Variants in RNF121 observed in about 807,000 individuals in gnomAD.
The protein encoded by RNF121 is ring finger protein 121, also known as E3 ubiquitin ligase RNF121.
RNF121 carries 21 observed loss-of-function variants against 46.5 expected under a neutral mutation model. The observed-to-expected ratio is 0.45, with a 90% CI of 0.32 to 0.65. The LOEUF (loss-of-function observed/expected upper bound fraction) is 0.65, where lower values mean the gene tolerates loss of function less well. Among genes scored for constraint, RNF121 ranks in the 30% least tolerant of loss-of-function variants. The pLI is 0.04. For synonymous variants in RNF121, 139 were observed against 144.7 expected (o/e 0.96, Z 0.28); for missense variants, 346 against 416.0 (o/e 0.83, Z 1.46).
chr11:71,949,282 G>A (rs577633772), intron 1 of RNF121, among the ~76,000 whole-genome samples: 87 of 152,294 alleles, frequency 5.7e-4, no homozygotes, highest in African/African-American at 2.0e-3. Flanking sequence ...GCTGGGTGTG[G>A]TGGCACGTGC....
intron 7 of RNF121, 165 bp from the exon 8 acceptor site, chr11:71,995,285 T>C (rs1954952054): frequency 1.6e-6 from 1 of 633,768 alleles, no homozygotes; most frequent in Non-Finnish European, 2.8e-6. Flanking sequence ...GAGATAGGGA[T>C]CATTATCCTT....
At chr11:71,947,505 CAGTGAAGG>C (rs1422589526) in intron 1 of RNF121, among the ~76,000 whole-genome samples, 17 of 148,052 alleles carry the variant, frequency 1.1e-4, no homozygotes, top group Admixed American at 1.1e-3. Context: ...AGGAATTGGG[CAGTGAAGG>C]AGTGAAGGTG....
Position 71,987,055 on chromosome 11 carries a change from C to T in RNF121, c.450C>T (p.Gly150=), listed in dbSNP as rs1394137266. 1.2e-6 allele frequency: 2 copies of T among 1,613,886 alleles called. No homozygotes were observed. Among genetic ancestry groups the T allele is most frequent in the Admixed American group, 3.3e-5 (2 of 60,018 alleles). Residue 150 remains glycine (G), a synonymous_variant, in exon 5 of 9, where the codon GGC becomes GGT. Coordinates refer to ENST00000361756, the MANE Select transcript of RNF121 (RefSeq NM_018320.5). The stretch of plus-strand genomic sequence containing the variant: ...TCTATAAAATCAGCTATGCCACTGG[C>T]ATTGTTGGCTACATGGCTGTCATGT... The part of the protein sequence containing the change: ...LLIYKISYAT[G]IVGYMAVMFT...
intron 3 of RNF121, among the ~76,000 whole-genome samples, chr11:71,963,628 A>C: frequency 6.6e-6 from 1 of 152,152 alleles, no homozygotes; most frequent in Non-Finnish European, 1.5e-5. Context: ...CAAAAAAAAA[A>C]GAGTTTTATA....
At chr11:71,933,927 G>A (rs752687026) in intron 1 of RNF121, among the ~76,000 whole-genome samples, 2 of 152,126 alleles carry the variant, frequency 1.3e-5, no homozygotes, top group Admixed American at 6.5e-5. Context: ...AAATGTTTAC[G>A]ACATCCCCGT....
At chr11:71,972,198 G>C (rs1479771439) in intron 3 of RNF121, among the ~76,000 whole-genome samples, 1 of 152,084 alleles carries the variant, frequency 6.6e-6, no homozygotes, top group Non-Finnish European at 1.5e-5. Flanking sequence ...TGCATGAACA[G>C]GTACAAACAA....
rs1375057959 is a variant in RNF121, at chr11:71,997,277, G to A, written c.*962G>A. The stretch of plus-strand genomic sequence containing the variant: ...ATGTCAGCTTCTCCCTGTGTCAGAT[G>A]ATATGTCCTTGAAGCTGGCAGGGGA... On this transcript the variant is annotated 3_prime_UTR_variant, in exon 9 of 9. Transcript: ENST00000361756. 6.6e-6 allele frequency: 1 copy of A among 152,184 alleles called. No individual in the cohort carries two copies. The highest frequency in any genetic ancestry group is 1.9e-4 in the East Asian group (1 of 5,182). 9.4% of individuals were successfully genotyped at this position (152,184 alleles called of 1,614,324 possible).
At chr11:71,931,229 G>C (rs979494714) in intron 1 of RNF121, among the ~76,000 whole-genome samples, 1 of 152,172 alleles carries the variant, frequency 6.6e-6, no homozygotes, top group Non-Finnish European at 1.5e-5. Context: ...TAGTATAATA[G>C]ACTTTACAGA....
intron 6 of RNF121, among the ~76,000 whole-genome samples, chr11:71,992,020 A>G (rs918406961): frequency 1.3e-5 from 2 of 151,952 alleles, no homozygotes; most frequent in Non-Finnish European, 2.9e-5. Flanking sequence ...TTTGGAGACC[A>G]AGGTGGGAAG....
chr11:71,981,237 A>G (rs983408682), intron 3 of RNF121, among the ~76,000 whole-genome samples: 5 of 151,892 alleles, frequency 3.3e-5, no homozygotes, highest in Middle Eastern at 3.4e-3. Flanking sequence ...TTTTTAGTAG[A>G]GACAGGGTTT....
At chr11:71,973,762 G>A (rs956830632) in intron 3 of RNF121, among the ~76,000 whole-genome samples, 1 of 151,710 alleles carries the variant, frequency 6.6e-6, no homozygotes, top group Non-Finnish European at 1.5e-5. Context: ...ACTCTAGCCT[G>A]GGTGACAAGA....
rs568744350 is a variant in RNF121, at chr11:71,958,343, G to C, written c.101+1079G>C. 1.2e-4 allele frequency among the ~76,000 whole-genome samples: 19 copies of C among 152,230 alleles called. 1 individual carries two copies. Among genetic ancestry groups the C allele is most frequent in the African/African-American group, 4.6e-4 (19 of 41,520 alleles). Reference sequence around the variant, plus strand: ...GGAACAGGATGGTTTTGTTTTGTTTGAATAACATCATGATAAATCTTTGAA... The same window carrying C: ...GGAACAGGATGGTTTTGTTTTGTTTCAATAACATCATGATAAATCTTTGAA... On this transcript the variant is annotated intron_variant, in intron 2 of 8. Transcript: ENST00000361756.
chr11:71,990,771 A>G, intron 6 of RNF121, 54 bp downstream of exon 6: 3 of 1,600,492 alleles, frequency 1.9e-6, no homozygotes, highest in Non-Finnish European at 2.6e-6. Flanking sequence ...AAATTGCTCA[A>G]GTTGATGTCA....
chr11:71,955,040 A>G (rs994378378), intron 1 of RNF121, among the ~76,000 whole-genome samples: 37 of 152,198 alleles, frequency 2.4e-4, no homozygotes, highest in African/African-American at 8.4e-4. Flanking sequence ...GGGAACTAAT[A>G]TGTTCATGGG....
At position 71,960,873 on chromosome 11, in the gene RNF121, GC is replaced by G; in HGVS notation, c.226del (p.His76ThrfsTer8). On this transcript the variant is annotated frameshift_variant, in exon 3 of 9. Transcript: ENST00000361756. LOFTEE classifies it high-confidence loss of function. Reference sequence around the variant, plus strand: ...TGCTCCTGGTGCAGTGGAAGCAGAGGCACCCACGCTCCTACAATGTAAGCCA... The same window carrying G: ...TGCTCCTGGTGCAGTGGAAGCAGAGGACCCACGCTCCTACAATGTAAGCCA... Reference protein sequence around the residue: ...QLLLVQWKQRHPRSYNMVTLF... With the variant: ...QLLLVQWKQRXPRSYNMVTLF... The G allele has an allele frequency of 6.2e-7, 1 of 1,614,000 alleles. No individual in the cohort carries two copies. Among genetic ancestry groups the G allele is most frequent in the Non-Finnish European group, 8.5e-7 (1 of 1,179,970 alleles).
intron 3 of RNF121, among the ~76,000 whole-genome samples, chr11:71,965,020 A>T (rs1954241415): frequency 6.6e-6 from 1 of 152,182 alleles, no homozygotes; most frequent in African/African-American, 2.4e-5. Context: ...TATTTGTTAT[A>T]AAAAAATTTG....
At chr11:71,984,013 T>C (rs1446055615) in intron 4 of RNF121, among the ~76,000 whole-genome samples, 4 of 152,248 alleles carry the variant, frequency 2.6e-5, no homozygotes, top group African/African-American at 7.2e-5. Flanking sequence ...CTGTGGAAGA[T>C]ACAGGATGTG....
In RNF121 at chr11:71,995,328, G is replaced by T. The variant is rs560599405; in HGVS notation, c.762-122G>T. 4 of 752,980 alleles carry T rather than the reference G, an allele frequency of 5.3e-6. No individual in the cohort carries two copies. The East Asian group carries it at 1.1e-4, about 20-fold the overall frequency. The allele number at this position is 752,980 out of a possible 1,614,324, so 46.6% of individuals were successfully genotyped here. A position where few individuals can be genotyped will look rare whatever the true frequency, so the allele number is the denominator to read the frequency against. Reference sequence around the variant, plus strand: ...ATGTGAGGAAACAGGTTCAGACACAGGGACTTGCCCAACATTACAGAGCTG... The same window carrying T: ...ATGTGAGGAAACAGGTTCAGACACATGGACTTGCCCAACATTACAGAGCTG... On this transcript the variant is annotated intron_variant, in intron 7 of 8. Transcript: ENST00000361756.
chr11:71,959,246 C>T (rs1954068512), intron 2 of RNF121, among the ~76,000 whole-genome samples: 1 of 152,194 alleles, frequency 6.6e-6, no homozygotes, highest in African/African-American at 2.4e-5. Flanking sequence ...CATTTGGCTT[C>T]CCACTCTGCC....
Sources: gnomAD v4.1 joint callset for allele counts (sites outside exome capture counted in the v4.1 genomes callset) on GRCh38, gnomAD v4.1.1 for gene constraint, MANE v1.5 for transcripts, NCBI Gene and HGNC (gene_info 2026-07-23, HGNC 2026-07-21) for gene names.